Variants in NEBL observed in about 807,000 individuals in gnomAD.
NEBL encodes the protein nebulette.
Under a neutral mutation model 140.2 loss-of-function variants are expected in NEBL, and 122 were observed. The ratio of observed to expected loss-of-function variants is 0.87; its 90% confidence interval spans 0.75 to 1.01. NEBL has a LOEUF of 1.01. Ranked by LOEUF, NEBL falls within the 50% of genes least tolerant of loss-of-function variation. NEBL has a pLI of 0.00. For missense variants in NEBL, 1,365 were observed against 1,231.3 expected, an observed-to-expected ratio of 1.11 and a Z score of -1.62; for synonymous variants, 436 against 398.9, an observed-to-expected ratio of 1.09 and a Z score of -1.11.
intron 3 of NEBL, among the ~76,000 whole-genome samples, chr10:21,229,714 G>A (rs111409373): frequency 3.3e-5 from 5 of 152,220 alleles, no homozygotes; most frequent in African/African-American, 7.2e-5. Flanking sequence ...TAAAGATGTC[G>A]ACAGGAGCAG....
chr10:20,819,426 C>T lies in NEBL; in HGVS notation c.2053G>A (p.Ala685Thr). The change falls in exon 20 of 28, where the codon GCG becomes ACG. Residue 685 changes from alanine (A) to threonine (T), a missense_variant and splice_region_variant. Physicochemically the swap from Ala to Thr is moderately conservative, Grantham distance 58. Coordinates refer to ENST00000377122, the MANE Select transcript of NEBL (RefSeq NM_006393.3). ...RVRRNQEQLS[A>T]VKYKGELQRG... The stretch of plus-strand genomic sequence containing the variant: ...AAAAGGAAACAGAAACGACTTGCCG[C>T]ACTCAGCTGCTCCTGGTTTCGCCTC... 1 of 1,614,038 alleles carries T rather than the reference C, an allele frequency of 6.2e-7. No individual in the cohort carries two copies. Among genetic ancestry groups the T allele is most frequent in the South Asian group, 1.1e-5 (1 of 91,076 alleles).
intron 26 of NEBL, among the ~76,000 whole-genome samples, chr10:20,791,957 A>C (rs115163736): frequency 1.5e-3 from 234 of 152,256 alleles, no homozygotes; most frequent in African/African-American, 5.4e-3. Context: ...TTCCCACTTT[A>C]CAGAACAAAA....
At chr10:20,951,414 T>C (rs6415963) in intron 4 of NEBL, among the ~76,000 whole-genome samples, 109,526 of 149,866 alleles carry the variant, frequency 0.73, 40,236 homozygotes, top group Admixed American at 0.82. Flanking sequence ...AGAAATGCAA[T>C]TTTTATGACA....
intron 2 of NEBL, among the ~76,000 whole-genome samples, chr10:21,156,867 A>G (rs1448840184): frequency 1.3e-5 from 2 of 152,210 alleles, no homozygotes; most frequent in African/African-American, 2.4e-5. Context: ...CAAGGTCACA[A>G]TCATGAGTTT....
intron 2 of NEBL, among the ~76,000 whole-genome samples, chr10:21,042,383 C>A (rs1834313839): frequency 6.6e-6 from 1 of 152,150 alleles, no homozygotes; most frequent in Non-Finnish European, 1.5e-5. Context: ...TGACTGTGCA[C>A]TTTTTGAGAA....
intron 7 of NEBL, among the ~76,000 whole-genome samples, chr10:20,861,507 G>A (rs1843700744): frequency 6.6e-6 from 1 of 152,068 alleles, no homozygotes; most frequent in Admixed American, 6.6e-5. Flanking sequence ...TCACCCTTCT[G>A]CTATACTTTT....
At chr10:21,217,636 T>G (rs1842012590) in intron 3 of NEBL, among the ~76,000 whole-genome samples, 1 of 152,226 alleles carries the variant, frequency 6.6e-6, no homozygotes, top group Non-Finnish European at 1.5e-5. Context: ...GATAAGATAC[T>G]TCGCTGCTTG....
At chr10:20,869,679 T>A in intron 6 of NEBL, 61 bp downstream of exon 6, 1 of 1,132,362 alleles carries the variant, frequency 8.8e-7, no homozygotes. Flanking sequence ...ACTGAAGCTA[T>A]GCTTTGCCTC....
intron 3 of NEBL, among the ~76,000 whole-genome samples, chr10:20,980,344 A>C (rs77100476): frequency 6.7e-5 from 10 of 148,734 alleles, no homozygotes; most frequent in Non-Finnish European, 1.3e-4. Flanking sequence ...CAAAAAGAAC[A>C]AAAAAAAAAG....
chr10:20,960,545 ATTGT>A (rs1229478756), intron 4 of NEBL, among the ~76,000 whole-genome samples: 1 of 152,062 alleles, frequency 6.6e-6, no homozygotes, highest in East Asian at 1.9e-4. Flanking sequence ...TTCCTAATAA[ATTGT>A]TTAACATGAA....
rs769479569 is a variant in NEBL, at chr10:20,835,561, G to C, written c.1401C>G (p.Asp467Glu). 6.2e-7 allele frequency: 1 copy of C among 1,612,786 alleles called. No individual in the cohort carries two copies. The highest frequency in any genetic ancestry group is 8.5e-7 in the Non-Finnish European group (1 of 1,179,922). ...IKGKGMQAGT[D>E]TLEMQHAKKA... ...TCTTGGCATGCTGCATTTCAAGGGT[G>C]TCAGTGCCAGCTTGCATTCCTTTCC... The change falls in exon 14 of 28, where the codon GAC becomes GAG. Residue 467 changes from aspartate to glutamate, a missense_variant. Around this residue, in one of 2 missense-constraint regions of NEBL, gnomAD observed 1,323 missense variants for 1,154.8 expected, o/e 1.15. Coordinates refer to ENST00000377122, the MANE Select transcript of NEBL (RefSeq NM_006393.3).
chr10:20,927,593 T>C (rs1217942393), intron 4 of NEBL, among the ~76,000 whole-genome samples: 1 of 152,208 alleles, frequency 6.6e-6, no homozygotes, highest in Non-Finnish European at 1.5e-5. Context: ...TAATTTCAAC[T>C]ATGAGTTAAA....
At chr10:20,925,285 A>G (rs912692993) in intron 4 of NEBL, among the ~76,000 whole-genome samples, 11 of 152,234 alleles carry the variant, frequency 7.2e-5, no homozygotes, top group African/African-American at 2.6e-4. Flanking sequence ...TCATAAATCT[A>G]CTTTATTTCT....
Position 21,227,695 on chromosome 10 carries a change from CTTCTTCTTCTTCTTCT to C in NEBL, n.348+20210_348+20225del, listed in dbSNP as rs879592449. On this transcript the variant is annotated intron_variant and non_coding_transcript_variant, in intron 3 of 8. Transcript: ENST00000675702. ...TCTTCTTCTTCTTCTTCTTCTTCTT[CTTCTTCTTCTTCTTCT>C]TTCTTCTTCTTCTTCTTCTTCTTCT... is the stretch of plus-strand genomic sequence containing the variant. 1.6e-3 allele frequency among the ~76,000 whole-genome samples: 141 copies of C among 90,220 alleles called. 1 individual carries two copies. The highest frequency in any genetic ancestry group is 4.4e-3 in the African/African-American group (73 of 16,724). 59.2% of individuals were successfully genotyped at this position (90,220 alleles called of 152,430 possible). A position where few individuals can be genotyped will look rare whatever the true frequency, so the allele number is the denominator to read the frequency against.
chr10:21,190,066 A>G (rs1273788466), intron 3 of NEBL, among the ~76,000 whole-genome samples: 2 of 152,196 alleles, frequency 1.3e-5, no homozygotes, highest in African/African-American at 2.4e-5. Context: ...CCCCTAATAA[A>G]TTATAAATTC....
chr10:21,147,669 C>A (rs546903239), intron 2 of NEBL, among the ~76,000 whole-genome samples: 1 of 152,180 alleles, frequency 6.6e-6, no homozygotes, highest in Non-Finnish European at 1.5e-5. Context: ...TAAGAAGAAT[C>A]CGCCTCCACG....
chr10:21,134,381 T>C (rs547111805), intron 2 of NEBL, among the ~76,000 whole-genome samples: 174 of 152,340 alleles, frequency 1.1e-3, no homozygotes, highest in African/African-American at 3.6e-3. Flanking sequence ...TGTTTCCAGA[T>C]CATTTAGCAA....
At chr10:21,095,471 T>G (rs909098112) in intron 2 of NEBL, among the ~76,000 whole-genome samples, 7 of 152,216 alleles carry the variant, frequency 4.6e-5, no homozygotes, top group African/African-American at 1.4e-4. Context: ...GTTAAGGGTG[T>G]TAAACGGTGC....
chr10:21,085,313 A>T (rs986931189), intron 2 of NEBL, among the ~76,000 whole-genome samples: 3 of 152,094 alleles, frequency 2.0e-5, no homozygotes, highest in Non-Finnish European at 4.4e-5. Flanking sequence ...GTGCATTTTC[A>T]GTTAATTTGT....
Sources: allele counts gnomAD v4.1 joint callset (sites outside exome capture counted in the v4.1 genomes callset), GRCh38; gene constraint gnomAD v4.1.1; regional missense constraint gnomAD v4.1.1; transcripts MANE v1.5; gene names NCBI Gene and HGNC (gene_info 2026-07-23, HGNC 2026-07-21).